FBXL7: variants seen among roughly 807,000 people sequenced by gnomAD.
FBXL7 encodes F-box and leucine rich repeat protein 7, also known as F-box/LRR-repeat protein 7.
Under a neutral mutation model 38.3 loss-of-function variants are expected in FBXL7, and 12 were observed. That is an observed-to-expected ratio of 0.31 (90% CI 0.20 to 0.51). The LOEUF is 0.51. Among genes scored for constraint, FBXL7 ranks in the 20% least tolerant of loss-of-function variants. FBXL7 has a pLI of 0.98. For synonymous variants in FBXL7, 297 were observed against 300.9 expected, an observed-to-expected ratio of 0.99 and a Z score of 0.13; for missense variants, 567 against 676.4, an observed-to-expected ratio of 0.84 and a Z score of 1.79.
chr5:15,692,902 G>A (rs1743224679), intron 2 of FBXL7, among the ~76,000 whole-genome samples: 1 of 152,110 alleles, frequency 6.6e-6, no homozygotes, highest in Non-Finnish European at 1.5e-5. Flanking sequence ...CTTCATTTCT[G>A]TCACTCACCA....
intron 2 of FBXL7, among the ~76,000 whole-genome samples, chr5:15,761,259 C>A (rs1237445984): frequency 2.0e-5 from 3 of 152,050 alleles, no homozygotes; most frequent in Admixed American, 2.0e-4. Context: ...TTTCCTTTTT[C>A]CTCTCTTTAA....
chr5:15,766,104 T>C (rs1736584489), intron 2 of FBXL7, among the ~76,000 whole-genome samples: 1 of 146,998 alleles, frequency 6.8e-6, no homozygotes, highest in African/African-American at 2.4e-5. Flanking sequence ...TGCCTGGTAT[T>C]CTCTGCAAAC....
At chr5:15,553,164 C>T (rs1018673311) in intron 1 of FBXL7, among the ~76,000 whole-genome samples, 1 of 152,126 alleles carries the variant, frequency 6.6e-6, no homozygotes, top group African/African-American at 2.4e-5. Context: ...TAGCCCTGCT[C>T]ATTTGGACCC....
chr5:15,617,821 A>G (rs923431997), intron 2 of FBXL7, among the ~76,000 whole-genome samples: 6 of 152,332 alleles, frequency 3.9e-5, no homozygotes, highest in Admixed American at 6.5e-5. Context: ...CTCTCTAGTC[A>G]GAAATCTGTT....
intron 1 of FBXL7, among the ~76,000 whole-genome samples, chr5:15,558,556 T>A (rs1738320601): frequency 6.6e-6 from 1 of 152,210 alleles, no homozygotes; most frequent in African/African-American, 2.4e-5. Flanking sequence ...CCCAAGGGAT[T>A]TACTTTGGAA....
intron 2 of FBXL7, among the ~76,000 whole-genome samples, chr5:15,854,245 C>T (rs975358411): frequency 6.6e-6 from 1 of 152,200 alleles, no homozygotes; most frequent in Non-Finnish European, 1.5e-5. Flanking sequence ...TTTGGACATG[C>T]AACACTAAGA....
At chr5:15,790,160 A>G (rs1292780926) in intron 2 of FBXL7, among the ~76,000 whole-genome samples, 1 of 152,228 alleles carries the variant, frequency 6.6e-6, no homozygotes, top group Non-Finnish European at 1.5e-5. Flanking sequence ...ATGTTGTTAC[A>G]GTCAATCTAT....
intron 2 of FBXL7, among the ~76,000 whole-genome samples, chr5:15,863,744 T>A (rs1422000251): frequency 6.6e-6 from 1 of 152,176 alleles, no homozygotes; most frequent in Non-Finnish European, 1.5e-5. Context: ...GTTCTCACCC[T>A]GTTAGTTCAC....
intron 2 of FBXL7, among the ~76,000 whole-genome samples, chr5:15,792,812 A>G (rs1265266615): frequency 6.6e-6 from 1 of 152,192 alleles, no homozygotes; most frequent in East Asian, 1.9e-4. Context: ...CTCCTGCCAC[A>G]GTAGCATAGA....
At chr5:15,789,539 A>G (rs1274799888) in intron 2 of FBXL7, among the ~76,000 whole-genome samples, 2 of 152,138 alleles carry the variant, frequency 1.3e-5, no homozygotes, top group Non-Finnish European at 2.9e-5. Flanking sequence ...ACGACCACAC[A>G]GGCTGGTGTT....
intron 1 of FBXL7, among the ~76,000 whole-genome samples, chr5:15,555,793 A>AGATG (rs200692789): frequency 2.8e-5 from 4 of 145,084 alleles, no homozygotes; most frequent in Non-Finnish European, 6.2e-5. Context: ...TGAGATAGAT[A>AGATG]GATAGATAGA....
chr5:15,853,335 A>G (rs1739156709), intron 2 of FBXL7, among the ~76,000 whole-genome samples: 1 of 152,074 alleles, frequency 6.6e-6, no homozygotes, highest in Non-Finnish European at 1.5e-5. Context: ...CTGTATTTTC[A>G]AGGAGGTGAC....
chr5:15,897,900 G>A (rs145469523), intron 2 of FBXL7, among the ~76,000 whole-genome samples: 4 of 152,246 alleles, frequency 2.6e-5, no homozygotes, highest in Admixed American at 2.6e-4. Flanking sequence ...AGAGTAGAAG[G>A]TGTGAAACCC....
intron 2 of FBXL7, among the ~76,000 whole-genome samples, chr5:15,763,913 G>A (rs1220172636): frequency 6.6e-6 from 1 of 152,204 alleles, no homozygotes; most frequent in African/African-American, 2.4e-5. Flanking sequence ...CACTGGTGAT[G>A]TAATTTAGTC....
intron 1 of FBXL7, among the ~76,000 whole-genome samples, chr5:15,614,843 G>T (rs554786565): frequency 1.1e-4 from 16 of 152,256 alleles, no homozygotes; most frequent in African/African-American, 3.6e-4. Flanking sequence ...TTCAAAGACA[G>T]CAGGAAGGGT....
At chr5:15,527,848 A>G (rs975471535) in intron 1 of FBXL7, among the ~76,000 whole-genome samples, 2 of 152,174 alleles carry the variant, frequency 1.3e-5, no homozygotes, top group East Asian at 1.9e-4. Flanking sequence ...AACATACCCA[A>G]TATCTGGACT....
chr5:15,853,073 G>C (rs1739149007), intron 2 of FBXL7, among the ~76,000 whole-genome samples: 1 of 152,128 alleles, frequency 6.6e-6, no homozygotes. Flanking sequence ...TTACAAATAA[G>C]GAAGGTGAAG....
intron 2 of FBXL7, among the ~76,000 whole-genome samples, chr5:15,877,505 CCTAT>C (rs1282622214): frequency 1.3e-5 from 2 of 152,108 alleles, no homozygotes; most frequent in Non-Finnish European, 2.9e-5. Context: ...ATACAAACAG[CCTAT>C]CTTTGTCATT....
chr5:15,550,278 G>T (rs942289749), intron 1 of FBXL7, among the ~76,000 whole-genome samples: 2 of 152,186 alleles, frequency 1.3e-5, no homozygotes, highest in African/African-American at 4.8e-5. Context: ...AAGCTGTTGG[G>T]AGATAGCTGG....
Sources: allele counts gnomAD v4.1 joint callset (sites outside exome capture counted in the v4.1 genomes callset), GRCh38; gene constraint gnomAD v4.1.1; transcripts MANE v1.5; gene names NCBI Gene and HGNC (gene_info 2026-07-23, HGNC 2026-07-21).